Variants in VAPB observed in about 807,000 individuals in gnomAD.
The protein encoded by VAPB is VAMP associated protein B and C.
Under a neutral mutation model 25.6 loss-of-function variants are expected in VAPB, and 7 were observed. That is an observed-to-expected ratio of 0.27 (90% CI 0.16 to 0.51). VAPB has a LOEUF of 0.51. VAPB is among the 20% of genes least tolerant of loss of function. The pLI is 0.97. For synonymous variants in VAPB, 112 were observed against 109.2 expected (o/e 1.03, Z -0.16); for missense variants, 266 against 301.3 (o/e 0.88, Z 0.87).
intron 3 of VAPB, among the ~76,000 whole-genome samples, chr20:58,438,706 C>T (rs1244162291): frequency 6.6e-6 from 1 of 152,188 alleles, no homozygotes; most frequent in Admixed American, 6.5e-5. Context: ...CATTGGTTGA[C>T]TTTGAGGAGT....
rs756568010 is a variant in VAPB, at chr20:58,418,395, G to A, written c.211+32G>A. Reference sequence around the variant, plus strand: ...CCTGAGACTGGAGGCCTAGAGGGTGGGCTCAGAAGGCCCCTGGACAGTAGG... The same window carrying A: ...CCTGAGACTGGAGGCCTAGAGGGTGAGCTCAGAAGGCCCCTGGACAGTAGG... On this transcript the variant is annotated intron_variant, in intron 2 of 5. Transcript: ENST00000475243. 4.3e-6 allele frequency: 7 copies of A among 1,612,118 alleles called. No individual in the cohort carries two copies. The East Asian group carries it at 1.6e-4, about 36-fold the overall frequency.
At chr20:58,424,267 G>T (rs1568712247) in intron 2 of VAPB, among the ~76,000 whole-genome samples, 1 of 152,056 alleles carries the variant, frequency 6.6e-6, no homozygotes, top group African/African-American at 2.4e-5. Flanking sequence ...TAGACTTACT[G>T]TTAACCCTGT....
At chr20:58,400,896 T>C (rs2123027820) in intron 1 of VAPB, among the ~76,000 whole-genome samples, 1 of 152,368 alleles carries the variant, frequency 6.6e-6, no homozygotes, top group East Asian at 1.9e-4. Context: ...AAATCTAAAT[T>C]TGTGCTTCTG....
In VAPB at chr20:58,441,015, G is replaced by A. The variant is rs759760356; in HGVS notation, c.505G>A (p.Val169Ile). 8 of 1,614,012 alleles carry A rather than the reference G, an allele frequency of 5.0e-6. No homozygotes were observed. The highest frequency in any genetic ancestry group is 3.3e-4 in the Middle Eastern group (2 of 6,084). Reference protein sequence around the residue: ...SSLDDTEVKKVMEECKRLQGE... With the variant: ...SSLDDTEVKKIMEECKRLQGE... Reference sequence around the variant, plus strand: ...TTTGGATGACACCGAAGTTAAGAAGGTTATGGAAGAATGTAAGAGGCTGCA... The same window carrying A: ...TTTGGATGACACCGAAGTTAAGAAGATTATGGAAGAATGTAAGAGGCTGCA... Residue 169 changes from valine to isoleucine, a missense_variant, in exon 5 of 6, where the codon GTT becomes ATT. Transcript: ENST00000475243.
At chr20:58,392,467 T>A (rs1314157310) in intron 1 of VAPB, among the ~76,000 whole-genome samples, 1 of 152,232 alleles carries the variant, frequency 6.6e-6, no homozygotes, top group Non-Finnish European at 1.5e-5. Flanking sequence ...AAGAGACATC[T>A]GTGTGTGTTC....
chr20:58,400,992 T>A (rs555955741), intron 1 of VAPB, among the ~76,000 whole-genome samples: 1 of 152,350 alleles, frequency 6.6e-6, no homozygotes, highest in East Asian at 1.9e-4. Flanking sequence ...ATGCACACAA[T>A]CAAAACTTTT....
chr20:58,389,257 G>C lies in VAPB; in HGVS notation c.-203G>C. 1.5e-6 allele frequency: 1 copy of C among 670,770 alleles called. No individual in the cohort carries two copies. Among genetic ancestry groups the C allele is most frequent in the Non-Finnish European group, 2.7e-6 (1 of 370,452 alleles). 41.6% of individuals were successfully genotyped at this position (670,770 alleles called of 1,614,324 possible). A position where few individuals can be genotyped will look rare whatever the true frequency, so the allele number is the denominator to read the frequency against. On this transcript the variant is annotated 5_prime_UTR_variant, in exon 1 of 6. Coordinates refer to ENST00000475243, the MANE Select transcript of VAPB (RefSeq NM_004738.5). ...TGCCGTCAGCTCGCCGGGCACCGCGGCCTCGCCCTCGCCCTCCGCCCCTGC... is the reference window on the plus strand; with the variant it reads ...TGCCGTCAGCTCGCCGGGCACCGCGCCCTCGCCCTCGCCCTCCGCCCCTGC...
chr20:58,443,751 G>A (rs1989213463), intron 5 of VAPB, among the ~76,000 whole-genome samples: 3 of 152,098 alleles, frequency 2.0e-5, no homozygotes, highest in South Asian at 4.1e-4. Flanking sequence ...AGGTGGGTGG[G>A]GCCGAGGGTG....
In VAPB at chr20:58,418,255, C is replaced by T. The variant is rs1325217602; in HGVS notation, c.103C>T (p.Pro35Ser). The change falls in exon 2 of 6, where the codon CCG becomes TCG. Residue 35 changes from proline (P) to serine (S), a missense_variant. Around this residue, in one of 3 missense-constraint regions of VAPB, gnomAD observed 98 missense variants for 147.1 expected, o/e 0.67. Coordinates refer to ENST00000475243, the MANE Select transcript of VAPB (RefSeq NM_004738.5). ...CACCACCAACCTAAAGCTTGGCAAC[C>T]CGACAGACCGAAATGTGTGTTTTAA... ...VVTTNLKLGN[P>S]TDRNVCFKVK... 6.2e-7 allele frequency: 1 copy of T among 1,613,980 alleles called. No individual in the cohort carries two copies. Among genetic ancestry groups the T allele is most frequent in the Non-Finnish European group, 8.5e-7 (1 of 1,180,030 alleles).
intron 5 of VAPB, among the ~76,000 whole-genome samples, chr20:58,441,424 A>G (rs554199689): frequency 6.6e-6 from 1 of 152,286 alleles, no homozygotes; most frequent in Admixed American, 6.5e-5. Context: ...GGCCGATCAC[A>G]AGGTCAAGCG....
At chr20:58,400,542 T>C in intron 1 of VAPB, among the ~76,000 whole-genome samples, 1 of 152,262 alleles carries the variant, frequency 6.6e-6, no homozygotes, top group Admixed American at 6.5e-5. Context: ...CGTTTTGTTT[T>C]ATTCTTTATG....
rs1479140991 is a variant in VAPB at position 58,394,826 on chromosome 20, ACTGTTATCTT to A, written c.58+5311_58+5320del. Among the ~76,000 whole-genome samples, 13 of 152,356 alleles carry A rather than the reference ACTGTTATCTT, an allele frequency of 8.5e-5. No individual in the cohort carries two copies. In the East Asian group the frequency reaches 2.3e-3, roughly 27 times the overall value. On this transcript the variant is annotated intron_variant, in intron 1 of 5. Coordinates refer to ENST00000475243, the MANE Select transcript of VAPB (RefSeq NM_004738.5). Reference sequence around the variant, plus strand: ...AACGTGAGTGGTTGTGACATAGATCACTGTTATCTTCATAATTACCTGGGAGCTTTTCATC... The same window carrying A: ...AACGTGAGTGGTTGTGACATAGATCACATAATTACCTGGGAGCTTTTCATC...
intron 2 of VAPB, among the ~76,000 whole-genome samples, chr20:58,430,718 G>A (rs1359714351): frequency 6.6e-6 from 1 of 152,076 alleles, no homozygotes; most frequent in East Asian, 1.9e-4. Context: ...TGGGATTACA[G>A]GCATGCACCA....
At chr20:58,429,779 AG>A (rs1426250219) in intron 2 of VAPB, among the ~76,000 whole-genome samples, 4 of 152,224 alleles carry the variant, frequency 2.6e-5, no homozygotes, top group Admixed American at 6.5e-5. Flanking sequence ...TACTACACAG[AG>A]CCACCAGTGT....
Position 58,445,012 on chromosome 20 carries a change from C to A in VAPB, c.*777C>A. On this transcript the variant is annotated 3_prime_UTR_variant, in exon 6 of 6. Transcript: ENST00000475243. ...ACAAGAGTACAGTTAATGCTGCGTG[C>A]TGCTGAACTCTGTTGGGTGAACTGG... is the stretch of plus-strand genomic sequence containing the variant. 1 of 454,756 alleles carries A rather than the reference C, an allele frequency of 2.2e-6. No homozygotes were observed. The allele number at this position is 454,756 out of a possible 1,614,324, so 28.2% of individuals were successfully genotyped here.
At chr20:58,443,808 G>A (rs140892548) in intron 5 of VAPB, among the ~76,000 whole-genome samples, 71 of 152,194 alleles carry the variant, frequency 4.7e-4, no homozygotes, top group African/African-American at 1.5e-3. Flanking sequence ...TGTAAATCAC[G>A]GGAAACCAAG....
At chr20:58,405,243 C>T (rs761769753) in intron 1 of VAPB, among the ~76,000 whole-genome samples, 22 of 152,100 alleles carry the variant, frequency 1.4e-4, no homozygotes, top group Admixed American at 7.2e-4. Flanking sequence ...TTGGGAAGAG[C>T]ATTACAGACA....
intron 2 of VAPB, among the ~76,000 whole-genome samples, chr20:58,426,343 A>G (rs1988780922): frequency 6.6e-6 from 1 of 152,124 alleles, no homozygotes; most frequent in Non-Finnish European, 1.5e-5. Context: ...GACTACAGAC[A>G]TGCACCACCA....
chr20:58,432,307 G>C (rs1988945296), intron 2 of VAPB: 1 of 152,176 alleles, frequency 6.6e-6, no homozygotes, highest in Admixed American at 6.5e-5. Context: ...TGTCATGTGA[G>C]CATCAGGGAT....
Sources: gnomAD v4.1 joint callset for allele counts (sites outside exome capture counted in the v4.1 genomes callset) on GRCh38, gnomAD v4.1.1 for gene constraint, gnomAD v4.1.1 regional missense constraint, MANE v1.5 for transcripts, NCBI Gene and HGNC (gene_info 2026-07-23, HGNC 2026-07-21) for gene names.